The following GLIS1 variants were observed in gnomAD, a reference collection of about 807,000 sequenced individuals.
GLIS1 encodes GLIS family zinc finger 1, also known as zinc finger protein GLIS1.
A neutral mutation model predicts 63.8 loss-of-function variants in GLIS1; 24 were observed. That is an observed-to-expected ratio of 0.38 (90% CI 0.27 to 0.53). GLIS1 has a LOEUF of 0.53. Ranked by LOEUF, GLIS1 falls within the 20% of genes least tolerant of loss-of-function variation. The pLI is 0.85. For missense variants in GLIS1, 1,036 were observed against 1,074.1 expected, an observed-to-expected ratio of 0.96 and a Z score of 0.50; for synonymous variants, 450 against 482.5, an observed-to-expected ratio of 0.93 and a Z score of 0.88.
At chr1:53,687,311 C>T (rs1265882617) in intron 2 of GLIS1, among the ~76,000 whole-genome samples, 1 of 152,202 alleles carries the variant, frequency 6.6e-6, no homozygotes, top group Non-Finnish European at 1.5e-5. Context: ...GTCTCTCAGA[C>T]ATTTTTAGGG....
At chr1:53,683,279 C>T (rs1281184224) in intron 2 of GLIS1, among the ~76,000 whole-genome samples, 1 of 152,168 alleles carries the variant, frequency 6.6e-6, no homozygotes, top group African/African-American at 2.4e-5. Flanking sequence ...CTCAGTAACC[C>T]GCTAACGGGC....
At chr1:53,551,195 G>T (rs1439841271) in intron 4 of GLIS1, among the ~76,000 whole-genome samples, 1 of 152,178 alleles carries the variant, frequency 6.6e-6, no homozygotes, top group Non-Finnish European at 1.5e-5. Context: ...TATGTGCCCG[G>T]CATTGTGCTA....
Position 53,594,270 on chromosome 1 carries a change from C to T in GLIS1, c.1158G>A (p.Glu386=), listed in dbSNP as rs949422881. ...GGCTCTTCTCGATGTGCCGCACCAG[C>T]TCCTCCTGCTGCTCATAGGCTGCAC... is the stretch of plus-strand genomic sequence containing the variant. ...DCCAAYEQQE[E]LVRHIEKSHI... The change falls in exon 4 of 11, where the codon GAG becomes GAA. Residue 386 remains glutamate (E), a synonymous_variant. Transcript: ENST00000628545. The T allele has an allele frequency of 1.7e-5, 27 of 1,613,390 alleles. No individual in the cohort carries two copies. Among genetic ancestry groups the T allele is most frequent in the Non-Finnish European group, 2.2e-5 (26 of 1,179,962 alleles).
Position 53,594,199 on chromosome 1 carries a change from C to T in GLIS1, c.1229G>A (p.Gly410Asp), listed in dbSNP as rs1271431690. The T allele has an allele frequency of 1.2e-6, 2 of 1,613,988 alleles. No individual in the cohort carries two copies. Among genetic ancestry groups the T allele is most frequent in the East Asian group, 4.5e-5 (2 of 44,876 alleles). Reference protein sequence around the residue: ...KGEDFTCFWAGCVRRYKPFNA... With the variant: ...KGEDFTCFWADCVRRYKPFNA... ...GAAGGGCTTGTAGCGGCGCACGCAG[C>T]CAGCCCAGAAGCAGGTGAAGTCCTC... Residue 410 changes from glycine to aspartate, a missense_variant, in exon 4 of 11, where the codon GGC becomes GAC. By Grantham distance (94) the Gly-to-Asp change is moderately conservative. Coordinates refer to ENST00000628545, the MANE Select transcript of GLIS1 (RefSeq NM_001367484.1).
chr1:53,506,884 G>T, intron 10 of GLIS1, 108 bp from the exon 11 acceptor site: 1 of 1,133,838 alleles, frequency 8.8e-7, no homozygotes, highest in Non-Finnish European at 1.2e-6. Flanking sequence ...TCCCCTCACA[G>T]TGTCCCGTCG....
intron 2 of GLIS1, among the ~76,000 whole-genome samples, chr1:53,732,761 C>T (rs889866162): frequency 2.8e-4 from 42 of 150,988 alleles, no homozygotes; most frequent in African/African-American, 9.5e-4. Context: ...AGAAACCACA[C>T]AATTCTCTAG....
intron 2 of GLIS1, among the ~76,000 whole-genome samples, chr1:53,703,639 T>TAAAA (rs59555116): frequency 2.8e-5 from 2 of 71,656 alleles, no homozygotes; most frequent in Admixed American, 1.6e-4. Context: ...ACCCTGTCTC[T>TAAAA]AAAAAAAAAA....
In GLIS1 at chr1:53,737,831, T is replaced by A; in HGVS notation, c.234A>T (p.Pro78=). The A allele has an allele frequency of 4.1e-6, 5 of 1,231,046 alleles. No homozygotes were observed. Among genetic ancestry groups the A allele is most frequent in the Non-Finnish European group, 4.1e-6 (4 of 987,496 alleles). 76.3% of individuals were successfully genotyped at this position (1,231,046 alleles called of 1,614,324 possible). A position where few individuals can be genotyped will look rare whatever the true frequency, so the allele number is the denominator to read the frequency against. Residue 78 remains proline (P), a synonymous_variant, in exon 2 of 11, where the codon CCA becomes CCT. Transcript: ENST00000628545. ...LRPRSPRDYG[P]SKAAAAGKVN... ...CCTTCCCGGCGGCGGCGGCCTTGGA[T>A]GGACCGTAGTCTCGGGGACTGCGGG...
chr1:53,593,552 G>A (rs1645214238), intron 4 of GLIS1, among the ~76,000 whole-genome samples: 1 of 152,228 alleles, frequency 6.6e-6, no homozygotes, highest in South Asian at 2.1e-4. Context: ...GCCTTAGCTA[G>A]TAACCCTGGG....
chr1:53,556,503 TG>T (rs1644829749), intron 4 of GLIS1, among the ~76,000 whole-genome samples: 3 of 135,636 alleles, frequency 2.2e-5, no homozygotes, highest in African/African-American at 2.8e-5. Flanking sequence ...GGTGTGTGTG[TG>T]GTGTACTGCA....
At chr1:53,571,217 C>T (rs1023058676) in intron 4 of GLIS1, among the ~76,000 whole-genome samples, 1 of 152,234 alleles carries the variant, frequency 6.6e-6, no homozygotes, top group African/African-American at 2.4e-5. Context: ...GATGCCATTT[C>T]ACACCTGCCA....
Position 53,669,970 on chromosome 1 carries a change from A to C in GLIS1, c.259+67836T>G, listed in dbSNP as rs1053712220. 7.2e-5 allele frequency among the ~76,000 whole-genome samples: 11 copies of C among 152,334 alleles called. No individual in the cohort carries two copies. In the South Asian group the frequency reaches 1.9e-3, roughly 26 times the overall value. ...GCCCAGCCAGCTTGTTTTGTCAGACAAGCAGTAAATACTTAAAGTGGGACA... is the reference window on the plus strand; with the variant it reads ...GCCCAGCCAGCTTGTTTTGTCAGACCAGCAGTAAATACTTAAAGTGGGACA... On this transcript the variant is annotated intron_variant, in intron 2 of 10. Transcript: ENST00000628545.
At chr1:53,706,282 T>A (rs907398818) in intron 2 of GLIS1, among the ~76,000 whole-genome samples, 16 of 152,154 alleles carry the variant, frequency 1.1e-4, no homozygotes, top group African/African-American at 3.9e-4. Flanking sequence ...CCCTTCAAGA[T>A]GGTAACAGCC....
chr1:53,570,283 TAA>T (rs112167168), intron 4 of GLIS1, among the ~76,000 whole-genome samples: 2,774 of 146,338 alleles, frequency 0.019, 94 homozygotes, highest in African/African-American at 0.065. Context: ...TTGGCTAATT[TAA>T]AAAAAAAAAA....
chr1:53,542,760 C>T (rs1306243854), intron 4 of GLIS1, among the ~76,000 whole-genome samples: 1 of 152,218 alleles, frequency 6.6e-6, no homozygotes, highest in African/African-American at 2.4e-5. Context: ...GTGCTGACAG[C>T]ACCACTAGAT....
chr1:53,688,498 C>T (rs560819220), intron 2 of GLIS1, among the ~76,000 whole-genome samples: 4 of 152,290 alleles, frequency 2.6e-5, no homozygotes, highest in African/African-American at 9.6e-5. Flanking sequence ...CCTTAGTGCC[C>T]GGGCCAAATG....
In GLIS1 at chr1:53,580,837, T is replaced by C. The variant is rs936619202; in HGVS notation, c.1320+13271A>G. On this transcript the variant is annotated intron_variant, in intron 4 of 10. Transcript: ENST00000628545. The stretch of plus-strand genomic sequence containing the variant: ...CCTGCTGCATTCTTGGCTGTTTCCA[T>C]CCTTTTGTTATCAATTAATGCAAAA... 2.0e-5 allele frequency among the ~76,000 whole-genome samples: 3 copies of C among 152,210 alleles called. No individual in the cohort carries two copies. In the East Asian group the frequency reaches 5.8e-4, roughly 29 times the overall value.
intron 2 of GLIS1, among the ~76,000 whole-genome samples, chr1:53,654,483 G>A (rs560370257): frequency 1.1e-4 from 17 of 152,170 alleles, no homozygotes; most frequent in Non-Finnish European, 2.4e-4. Flanking sequence ...TCTGAGTTCC[G>A]GGGAAGATCC....
At chr1:53,632,397 T>TG in intron 2 of GLIS1, among the ~76,000 whole-genome samples, 2 of 141,238 alleles carry the variant, frequency 1.4e-5, no homozygotes, top group South Asian at 2.4e-4. Flanking sequence ...CTGAGGGGTG[T>TG]TTGAGTGTGA....
Sources: gnomAD v4.1 joint callset for allele counts (sites outside exome capture counted in the v4.1 genomes callset) on GRCh38, gnomAD v4.1.1 for gene constraint, MANE v1.5 for transcripts, NCBI Gene and HGNC (gene_info 2026-07-23, HGNC 2026-07-21) for gene names.